Variants in LDB2 observed in about 807,000 individuals in gnomAD.
The protein encoded by LDB2 is LIM domain binding 2, also known as LIM domain-binding protein 2.
A neutral mutation model predicts 44.3 loss-of-function variants in LDB2; 12 were observed. The observed-to-expected ratio is 0.27, with a 90% CI of 0.17 to 0.44. LDB2 has a LOEUF of 0.44. LDB2 is among the 20% of genes least tolerant of loss of function. The pLI, the probability that LDB2 is intolerant of heterozygous loss-of-function variation, is 1.00. For missense variants in LDB2, 344 were observed against 473.5 expected, an observed-to-expected ratio of 0.73 and a Z score of 2.54; for synonymous variants, 164 against 174.8, an observed-to-expected ratio of 0.94 and a Z score of 0.49.
chr4:16,566,540 A>G (rs1413035573), intron 5 of LDB2, among the ~76,000 whole-genome samples: 1 of 152,144 alleles, frequency 6.6e-6, no homozygotes, highest in Non-Finnish European at 1.5e-5. Context: ...TTATTTAAAC[A>G]TAAAGAAAAA....
At chr4:16,835,715 A>T (rs1784790583) in intron 1 of LDB2, among the ~76,000 whole-genome samples, 1 of 152,208 alleles carries the variant, frequency 6.6e-6, no homozygotes, top group Admixed American at 6.5e-5. Context: ...TCTTCTCATC[A>T]CCAATTAATG....
chr4:16,752,341 A>T, intron 2 of LDB2: 1 of 410,902 alleles, frequency 2.4e-6, no homozygotes, highest in African/African-American at 2.1e-5. Flanking sequence ...TGGGGGATGA[A>T]AATCTCACCC....
Position 16,745,933 on chromosome 4 carries a change from G to A in LDB2, c.235+13225C>T, listed in dbSNP as rs549203403. 2.6e-5 allele frequency among the ~76,000 whole-genome samples: 4 copies of A among 152,056 alleles called. No homozygotes were observed. The South Asian group carries it at 8.3e-4, about 32-fold the overall frequency. ...AGTTCTGAATAGTGGGATGGTAAAG[G>A]GTACACAGTATGGGCCTATATGGCA... On this transcript the variant is annotated intron_variant, in intron 2 of 7. Coordinates refer to ENST00000304523, the MANE Select transcript of LDB2 (RefSeq NM_001290.5).
chr4:16,537,871 A>G (rs1732405120), intron 5 of LDB2, among the ~76,000 whole-genome samples: 1 of 152,326 alleles, frequency 6.6e-6, no homozygotes, highest in African/African-American at 2.4e-5. Context: ...TATCTAAGGT[A>G]TAGGTATAAG....
chr4:16,517,879 G>GTGGATGGA lies in LDB2; in HGVS notation c.616-5783_616-5776dup, dbSNP rs34267672. ...ATCACAACAGGAACTTGATGAATGA[G>GTGGATGGA]TGGATGGATGGATGGATGGATGGAT... On this transcript the variant is annotated intron_variant, in intron 5 of 7. Coordinates refer to ENST00000304523, the MANE Select transcript of LDB2 (RefSeq NM_001290.5). Among the ~76,000 whole-genome samples the GTGGATGGA allele has an allele frequency of 6.2e-4, 92 of 148,760 alleles. 1 individual carries two copies. The East Asian group carries it at 6.3e-3, about 10-fold the overall frequency.
intron 2 of LDB2, among the ~76,000 whole-genome samples, chr4:16,628,062 A>G (rs1206851894): frequency 1.3e-5 from 2 of 152,194 alleles, no homozygotes; most frequent in African/African-American, 2.4e-5. Context: ...TCAGTGAGCC[A>G]GGATGTCCCC....
chr4:16,606,305 T>C (rs1034993395), intron 2 of LDB2, among the ~76,000 whole-genome samples: 7 of 152,204 alleles, frequency 4.6e-5, no homozygotes, highest in African/African-American at 1.4e-4. Flanking sequence ...TATCTAGATA[T>C]TCCCATGTTG....
At chr4:16,841,541 T>G (rs1785892667) in intron 1 of LDB2, among the ~76,000 whole-genome samples, 1 of 152,206 alleles carries the variant, frequency 6.6e-6, no homozygotes, top group South Asian at 2.1e-4. Context: ...TGCCTTCAAA[T>G]GAGAACATTA....
chr4:16,833,824 A>C (rs1784450784), intron 1 of LDB2, among the ~76,000 whole-genome samples: 1 of 152,156 alleles, frequency 6.6e-6, no homozygotes, highest in African/African-American at 2.4e-5. Flanking sequence ...TACAGGCATG[A>C]GCCACCACAC....
intron 1 of LDB2, among the ~76,000 whole-genome samples, chr4:16,878,837 C>T (rs918979556): frequency 1.3e-5 from 2 of 152,212 alleles, no homozygotes; most frequent in African/African-American, 2.4e-5. Flanking sequence ...CTTTAAGTCT[C>T]AGCTAAAAAT....
chr4:16,514,906 T>G (rs1300031912), intron 5 of LDB2, among the ~76,000 whole-genome samples: 1 of 152,192 alleles, frequency 6.6e-6, no homozygotes, highest in Non-Finnish European at 1.5e-5. Context: ...ATTACTCTGT[T>G]AAGAATTCCT....
At chr4:16,600,187 C>T (rs1174760661) in intron 2 of LDB2, among the ~76,000 whole-genome samples, 1 of 152,136 alleles carries the variant, frequency 6.6e-6, no homozygotes, top group Non-Finnish European at 1.5e-5. Context: ...GACAGCCACA[C>T]CAGTTCCAAA....
intron 2 of LDB2, among the ~76,000 whole-genome samples, chr4:16,743,729 G>A (rs1349545953): frequency 5.3e-5 from 8 of 151,938 alleles, no homozygotes; most frequent in Non-Finnish European, 7.4e-5. Flanking sequence ...AACCTCCATC[G>A]TACCACTGCA....
chr4:16,506,241 C>T, intron 7 of LDB2: 3 of 383,564 alleles, frequency 7.8e-6, no homozygotes, highest in Non-Finnish European at 1.4e-5. Context: ...AACTCCAGGA[C>T]ACATATGAAT....
intron 2 of LDB2, among the ~76,000 whole-genome samples, chr4:16,683,832 G>C (rs1286056221): frequency 5.9e-5 from 9 of 152,198 alleles, no homozygotes; most frequent in Admixed American, 5.9e-4. Context: ...ACCTTGCAGG[G>C]ATGCAAAGAC....
intron 2 of LDB2, among the ~76,000 whole-genome samples, chr4:16,660,797 C>T (rs1265645804): frequency 6.6e-6 from 1 of 152,132 alleles, no homozygotes; most frequent in African/African-American, 2.4e-5. Context: ...TGAAGAAGGA[C>T]ACTGTAAGAT....
intron 1 of LDB2, among the ~76,000 whole-genome samples, chr4:16,768,059 G>A (rs772385171): frequency 6.6e-6 from 1 of 152,034 alleles, no homozygotes; most frequent in Admixed American, 6.6e-5. Flanking sequence ...AGGTTACGTG[G>A]GATTTTTGCC....
At chr4:16,641,072 T>G (rs550054944) in intron 2 of LDB2, among the ~76,000 whole-genome samples, 1 of 152,004 alleles carries the variant, frequency 6.6e-6, no homozygotes, top group South Asian at 2.1e-4. Flanking sequence ...GCCAAGGAGA[T>G]GGACATAGAT....
chr4:16,514,352 T>G (rs1307344504), intron 5 of LDB2, among the ~76,000 whole-genome samples: 1 of 152,204 alleles, frequency 6.6e-6, no homozygotes, highest in Non-Finnish European at 1.5e-5. Context: ...CTCACATAAT[T>G]CTGACAAACA....
Sources: allele counts gnomAD v4.1 joint callset (sites outside exome capture counted in the v4.1 genomes callset), GRCh38; gene constraint gnomAD v4.1.1; transcripts MANE v1.5; gene names NCBI Gene and HGNC (gene_info 2026-07-23, HGNC 2026-07-21).